Variants in HAUS8 observed in about 807,000 individuals in gnomAD.
The protein encoded by HAUS8 is HAUS augmin like complex subunit 8, also known as HAUS augmin-like complex subunit 8.
A neutral mutation model predicts 42.9 loss-of-function variants in HAUS8; 38 were observed. The observed-to-expected ratio is 0.89, with a 90% CI of 0.68 to 1.16. HAUS8 has a LOEUF of 1.16. Ranked by LOEUF, HAUS8 falls within the 50% of genes most tolerant of loss-of-function variation. The pLI is 0.00. For synonymous variants in HAUS8, 199 were observed against 205.8 expected (o/e 0.97, Z 0.28); for missense variants, 494 against 511.6 (o/e 0.97, Z 0.33).
chr19:17,057,153 C>T (rs768350684), intron 8 of HAUS8, among the ~76,000 whole-genome samples: 3 of 151,996 alleles, frequency 2.0e-5, no homozygotes, highest in Non-Finnish European at 4.4e-5. Context: ...AGTTCGAGAC[C>T]AGCCTGGCCA....
At chr19:17,059,836 C>T (rs2057349381) in intron 5 of HAUS8, among the ~76,000 whole-genome samples, 161 bp downstream of exon 5, 1 of 151,970 alleles carries the variant, frequency 6.6e-6, no homozygotes, top group Admixed American at 6.6e-5. Context: ...AGTTTAATAC[C>T]CTTTACCAAG....
intron 9 of HAUS8, among the ~76,000 whole-genome samples, chr19:17,054,034 C>T (rs2057304870): frequency 6.6e-6 from 1 of 152,070 alleles, no homozygotes; most frequent in Non-Finnish European, 1.5e-5. Context: ...AATGGAGGGA[C>T]ACGGCCATGA....
intron 4 of HAUS8, among the ~76,000 whole-genome samples, chr19:17,061,498 T>C (rs981025927): frequency 2.0e-5 from 3 of 152,198 alleles, no homozygotes; most frequent in African/African-American, 4.8e-5. Context: ...TCAGCATGTA[T>C]AGCATTTGCA....
chr19:17,057,472 T>C (rs984535605), intron 8 of HAUS8, among the ~76,000 whole-genome samples: 22 of 152,242 alleles, frequency 1.4e-4, no homozygotes, highest in Non-Finnish European at 2.6e-4. Flanking sequence ...TTCTAGGCTA[T>C]AAGGTTCATC....
At position 17,059,637 on chromosome 19, in the gene HAUS8, T is replaced by C. The variant is rs576184384; in HGVS notation, c.340A>G (p.Lys114Glu). 7 of 1,613,180 alleles carry C rather than the reference T, an allele frequency of 4.3e-6. No homozygotes were observed. The highest frequency in any genetic ancestry group is 5.9e-6 in the Non-Finnish European group (7 of 1,179,374). Residue 114 changes from lysine (K) to glutamate (E), a missense_variant, in exon 6 of 11, where the codon AAA (lysine) becomes GAA (glutamate). Transcript: ENST00000253669. ...GTTTTTGCTAACTGTGGCGTCTTTT[T>C]GACGATGCTTTTGTCTAAGATAAAG... ...LSAINDKSIVKKTPQLAKTIS... is the reference protein window; with the variant it reads ...LSAINDKSIVEKTPQLAKTIS...
Position 17,055,907 on chromosome 19 carries a change from C to T in HAUS8, c.741G>A (p.Leu247=). ...ATALDTTRHE[L]PVRSIHLEGD... is the part of the protein sequence containing the mutation. ...CCTCCAGGTGGATGGACCTCACGGGCAGCTCGTGCCTGGTAGTGTCCAGGG... is the reference window on the plus strand; with the variant it reads ...CCTCCAGGTGGATGGACCTCACGGGTAGCTCGTGCCTGGTAGTGTCCAGGG... Residue 247 remains leucine, a synonymous_variant, in exon 9 of 11, where the codon CTG becomes CTA. Transcript: ENST00000253669. 2.5e-6 allele frequency: 4 copies of T among 1,614,206 alleles called. No homozygotes were observed. The highest frequency in any genetic ancestry group is 3.4e-6 in the Non-Finnish European group (4 of 1,180,044).
chr19:17,073,194 G>A, intron 2 of HAUS8, 80 bp downstream of exon 2: 1 of 1,279,914 alleles, frequency 7.8e-7, no homozygotes, highest in Non-Finnish European at 1.1e-6. Flanking sequence ...CCCCTTCTCT[G>A]GCCTGTTTTT....
chr19:17,060,223 GCTAAA>G, intron 4 of HAUS8, 131 bp from the exon 5 acceptor site: 1 of 301,228 alleles, frequency 3.3e-6, no homozygotes, highest in Non-Finnish European at 5.5e-6. Context: ...AGGTGGAAAG[GCTAAA>G]AAAAAAAAAA....
At position 17,053,392 on chromosome 19, in the gene HAUS8, C is replaced by T; in HGVS notation, c.788-426G>A. 1.0e-5 allele frequency: 2 copies of T among 190,534 alleles called. 1 individual carries two copies. The highest frequency in any genetic ancestry group is 2.1e-4 in the South Asian group (2 of 9,746). 11.8% of individuals were successfully genotyped at this position (190,534 alleles called of 1,614,324 possible). On this transcript the variant is annotated intron_variant, in intron 9 of 10. Transcript: ENST00000253669. ...TGTCACCTGCACTAGGACAACACGCCTCTCTACCCTGACATACATCACATC... is the reference window on the plus strand; with the variant it reads ...TGTCACCTGCACTAGGACAACACGCTTCTCTACCCTGACATACATCACATC...
chr19:17,053,175 A>G, intron 9 of HAUS8: 1 of 598,566 alleles, frequency 1.7e-6, no homozygotes, highest in Admixed American at 3.0e-5. Flanking sequence ...ACATCCATCT[A>G]TCCAGGAGGG....
At chr19:17,056,213 A>G (rs531276061) in intron 8 of HAUS8, among the ~76,000 whole-genome samples, 1 of 152,188 alleles carries the variant, frequency 6.6e-6, no homozygotes, top group South Asian at 2.1e-4. Flanking sequence ...TACTGAGAAC[A>G]TGTGTCTGCC....
At chr19:17,069,117 A>C in intron 2 of HAUS8, 31 bp from the exon 3 acceptor site, 1 of 1,603,118 alleles carries the variant, frequency 6.2e-7, no homozygotes, top group Non-Finnish European at 8.5e-7. Flanking sequence ...TGCACAACAA[A>C]ACTACAAAGG....
chr19:17,064,871 C>T (rs548335903), intron 3 of HAUS8, among the ~76,000 whole-genome samples: 57 of 152,158 alleles, frequency 3.7e-4, no homozygotes, highest in Non-Finnish European at 6.9e-4. Flanking sequence ...TCATCGAAAT[C>T]GTCAACTACT....
intron 1 of HAUS8, chr19:17,073,996 T>A (rs966914403): frequency 6.7e-6 from 1 of 148,486 alleles, no homozygotes; most frequent in Admixed American, 6.8e-5. Flanking sequence ...TGAGACTCCG[T>A]CTCAATAAAT....
chr19:17,055,406 T>C (rs2057319509), intron 9 of HAUS8, among the ~76,000 whole-genome samples: 1 of 146,346 alleles, frequency 6.8e-6, no homozygotes, highest in African/African-American at 2.5e-5. Context: ...TGTGGGAAGA[T>C]ACCTGTTCTG....
chr19:17,056,109 C>T, intron 8 of HAUS8, 107 bp from the exon 9 acceptor site: 1 of 1,056,202 alleles, frequency 9.5e-7, no homozygotes, highest in Non-Finnish European at 1.4e-6. Context: ...TGTTCTTCAC[C>T]ACCCCCCAGG....
intron 10 of HAUS8, chr19:17,052,486 T>G (rs1599967599): frequency 5.7e-6 from 1 of 175,416 alleles, no homozygotes. Context: ...GAGGCTGAGG[T>G]GGGATCACTT....
chr19:17,058,686 A>G lies in HAUS8; in HGVS notation c.508T>C (p.Phe170Leu). 1.2e-6 allele frequency: 2 copies of G among 1,609,672 alleles called. No homozygotes were observed. The highest frequency in any genetic ancestry group is 1.1e-5 in the South Asian group (1 of 90,124). Residue 170 changes from phenylalanine to leucine, a missense_variant, in exon 8 of 11, where the codon TTT (phenylalanine) becomes CTT (leucine). By Grantham distance (22) the Phe-to-Leu change is conservative. Transcript: ENST00000253669. The part of the protein sequence containing the change: ...SVKMENNLAE[F>L]ERRAEKNLLI... ...AAATTCTTTTCTGCCCTTCTTTCAA[A>G]CTCAGCAAGATTGTTCTCCATCTGT...
At chr19:17,066,493 G>A (rs1442350587) in intron 3 of HAUS8, among the ~76,000 whole-genome samples, 1 of 152,156 alleles carries the variant, frequency 6.6e-6, no homozygotes, top group East Asian at 1.9e-4. Context: ...CAAAGAGGGG[G>A]GTCATGGGAA....
Sources: gnomAD v4.1 joint callset for allele counts (sites outside exome capture counted in the v4.1 genomes callset) on GRCh38, gnomAD v4.1.1 for gene constraint, MANE v1.5 for transcripts, NCBI Gene and HGNC (gene_info 2026-07-23, HGNC 2026-07-21) for gene names.